The following CSMD1 variants were observed in gnomAD, a reference collection of about 807,000 sequenced individuals.
CSMD1 encodes the protein CUB and sushi domain-containing protein 1.
In CSMD1, 213 loss-of-function variants were observed where a neutral mutation model predicts 417.5. The observed-to-expected ratio is 0.51, with a 90% CI of 0.46 to 0.57. The LOEUF is 0.57. CSMD1 is among the 20% of genes least tolerant of loss of function. CSMD1 has a pLI of 0.00. For missense variants in CSMD1, 6,923 were observed against 4,529.7 expected, an observed-to-expected ratio of 1.53 and a Z score of -15.17; for synonymous variants, 2,862 against 1,736.8, an observed-to-expected ratio of 1.65 and a Z score of -16.11.
chr8:4,416,508 G>T (rs1040532620), intron 3 of CSMD1, among the ~76,000 whole-genome samples: 1 of 152,006 alleles, frequency 6.6e-6, no homozygotes, highest in Admixed American at 6.6e-5. Context: ...CCAAAATAAT[G>T]AACATTTTGA....
intron 57 of CSMD1, among the ~76,000 whole-genome samples, chr8:2,967,628 T>C (rs1012379810): frequency 1.3e-5 from 2 of 152,088 alleles, no homozygotes; most frequent in Non-Finnish European, 2.9e-5. Context: ...GGCAGGTAAA[T>C]AAAGGAAGTG....
intron 26 of CSMD1, among the ~76,000 whole-genome samples, chr8:3,252,411 C>G (rs1466901063): frequency 6.6e-6 from 1 of 152,210 alleles, no homozygotes; most frequent in African/African-American, 2.4e-5. Context: ...AGGGATGAAG[C>G]TCACTTGATC....
intron 2 of CSMD1, among the ~76,000 whole-genome samples, chr8:4,548,816 G>T (rs1313858956): frequency 1.3e-5 from 2 of 152,072 alleles, no homozygotes; most frequent in African/African-American, 4.8e-5. Context: ...CCTGATATAT[G>T]GAGAGCATAC....
At chr8:3,497,923 G>T (rs903508883) in intron 10 of CSMD1, among the ~76,000 whole-genome samples, 4 of 152,084 alleles carry the variant, frequency 2.6e-5, no homozygotes, top group Non-Finnish European at 5.9e-5. Flanking sequence ...TCACAATGGT[G>T]GTTATCACCC....
At chr8:3,771,547 C>G (rs971257795) in intron 5 of CSMD1, among the ~76,000 whole-genome samples, 11 of 152,110 alleles carry the variant, frequency 7.2e-5, no homozygotes, top group African/African-American at 2.7e-4. Flanking sequence ...GATAGCATCA[C>G]CATTGCAGAA....
chr8:3,764,600 G>A (rs201641061), intron 5 of CSMD1, among the ~76,000 whole-genome samples: 2 of 152,082 alleles, frequency 1.3e-5, no homozygotes, highest in Non-Finnish European at 2.9e-5. Context: ...TTGGATGGCA[G>A]TTTCCTTGGA....
At chr8:4,218,846 T>C (rs1383879599) in intron 3 of CSMD1, among the ~76,000 whole-genome samples, 1 of 152,200 alleles carries the variant, frequency 6.6e-6, no homozygotes, top group African/African-American at 2.4e-5. Flanking sequence ...ATTTCCCCTA[T>C]ACTTTTCCTG....
chr8:3,667,597 T>C (rs970641775), intron 7 of CSMD1, among the ~76,000 whole-genome samples: 10 of 151,944 alleles, frequency 6.6e-5, no homozygotes, highest in Admixed American at 1.3e-4. Flanking sequence ...CCTGAGATGA[T>C]TTTGTGAGTG....
chr8:4,812,666 T>C (rs1340751553), intron 1 of CSMD1, among the ~76,000 whole-genome samples: 3 of 152,188 alleles, frequency 2.0e-5, no homozygotes, highest in African/African-American at 7.2e-5. Context: ...TTCTCTATAA[T>C]TTAGTCCATT....
At chr8:3,177,190 A>G (rs1820990586) in intron 37 of CSMD1, among the ~76,000 whole-genome samples, 1 of 152,286 alleles carries the variant, frequency 6.6e-6, no homozygotes, top group African/African-American at 2.4e-5. Context: ...CAGCTTAATA[A>G]ACACCAACTG....
At chr8:4,546,030 T>A (rs546281178) in intron 2 of CSMD1, among the ~76,000 whole-genome samples, 68 of 152,210 alleles carry the variant, frequency 4.5e-4, no homozygotes, top group African/African-American at 1.6e-3. Flanking sequence ...TACAGAGACT[T>A]TTCAGCTTCC....
chr8:3,636,560 A>C (rs1294077096), intron 7 of CSMD1, among the ~76,000 whole-genome samples: 1 of 152,180 alleles, frequency 6.6e-6, no homozygotes, highest in Non-Finnish European at 1.5e-5. Flanking sequence ...AGGAATGTAC[A>C]TGTAACTTTA....
chr8:3,923,633 C>CT (rs1459102975), intron 5 of CSMD1, among the ~76,000 whole-genome samples: 5 of 152,144 alleles, frequency 3.3e-5, no homozygotes, highest in African/African-American at 1.2e-4. Flanking sequence ...GTAATTTTAA[C>CT]TCTACTCTCT....
rs201340779 is a variant in CSMD1 at position 3,411,986 on chromosome 8, A to ATATGTATACGTGTATATACACGTATG, written c.1562-2382_1562-2381insCATACGTGTATATACACGTATACATA. Among the ~76,000 whole-genome samples, 68 of 6,968 alleles carry ATATGTATACGTGTATATACACGTATG rather than the reference A, an allele frequency of 9.8e-3. 23 individuals are homozygous for ATATGTATACGTGTATATACACGTATG. Among genetic ancestry groups the ATATGTATACGTGTATATACACGTATG allele is most frequent in the Non-Finnish European group, 0.021 (50 of 2,418 alleles). The allele number at this position is 6,968 out of a possible 152,430, so 4.6% of individuals were successfully genotyped here. On this transcript the variant is annotated intron_variant, in intron 12 of 69. Transcript: ENST00000635120. ...TATATGCACGTATATATACACGTAT[A>ATATGTATACGTGTATATACACGTATG]TATACGTGTATATACACGTATATAT...
At chr8:3,527,589 C>T (rs1317272767) in intron 10 of CSMD1, among the ~76,000 whole-genome samples, 3 of 151,126 alleles carry the variant, frequency 2.0e-5, no homozygotes, top group Non-Finnish European at 3.0e-5. Flanking sequence ...GAACTCTATA[C>T]ACACACACAC....
chr8:3,064,636 T>G (rs1241259794), intron 49 of CSMD1, among the ~76,000 whole-genome samples: 2 of 151,998 alleles, frequency 1.3e-5, no homozygotes, highest in Admixed American at 1.3e-4. Context: ...ACGTGGAAGG[T>G]TGATAAGAAT....
chr8:4,154,052 C>G (rs1370634404), intron 3 of CSMD1, among the ~76,000 whole-genome samples: 1 of 152,098 alleles, frequency 6.6e-6, no homozygotes, highest in South Asian at 2.1e-4. Context: ...ATTTGTTTTC[C>G]TAAGGAGGTA....
intron 5 of CSMD1, among the ~76,000 whole-genome samples, chr8:3,949,785 T>G (rs1180275536): frequency 6.6e-6 from 1 of 152,138 alleles, no homozygotes; most frequent in African/African-American, 2.4e-5. Flanking sequence ...ACAAGCACTG[T>G]TGCCTCTAAC....
intron 3 of CSMD1, among the ~76,000 whole-genome samples, chr8:4,198,224 G>A (rs181714677): frequency 1.6e-3 from 239 of 152,278 alleles, no homozygotes; most frequent in African/African-American, 4.8e-3. Context: ...AAAGAGGTGC[G>A]GAGCACCACA....
Sources: gnomAD v4.1 joint callset for allele counts (sites outside exome capture counted in the v4.1 genomes callset) on GRCh38, gnomAD v4.1.1 for gene constraint, MANE v1.5 for transcripts, NCBI Gene and HGNC (gene_info 2026-07-23, HGNC 2026-07-21) for gene names.